Variants in NKAIN2 observed in about 807,000 individuals in gnomAD.
The protein encoded by NKAIN2 is sodium/potassium transporting ATPase interacting 2, also known as sodium/potassium-transporting ATPase subunit beta-1-interacting protein 2.
A neutral mutation model predicts 32.6 loss-of-function variants in NKAIN2; 14 were observed. The observed-to-expected ratio is 0.43, with a 90% CI of 0.28 to 0.67. The LOEUF (loss-of-function observed/expected upper bound fraction) is 0.67. Ranked by LOEUF, NKAIN2 falls within the 30% of genes least tolerant of loss-of-function variation. The pLI, the probability that NKAIN2 is intolerant of heterozygous loss-of-function variation, is 0.17. For missense variants in NKAIN2, 198 were observed against 258.3 expected (o/e 0.77, Z 1.60); for synonymous variants, 80 against 87.2 (o/e 0.92, Z 0.46).
chr6:123,948,929 G>T (rs537600728), intron 1 of NKAIN2, among the ~76,000 whole-genome samples: 2 of 151,806 alleles, frequency 1.3e-5, no homozygotes, highest in African/African-American at 4.8e-5. Flanking sequence ...ATCTTGAGTT[G>T]GTTTTCGGAT....
At chr6:123,967,566 T>C (rs936124604) in intron 1 of NKAIN2, among the ~76,000 whole-genome samples, 5 of 152,274 alleles carry the variant, frequency 3.3e-5, no homozygotes, top group African/African-American at 1.2e-4. Context: ...CCAGAACTGG[T>C]GCTAGAAGAA....
intron 1 of NKAIN2, among the ~76,000 whole-genome samples, chr6:124,105,210 C>G (rs372907149): frequency 6.6e-6 from 1 of 152,152 alleles, no homozygotes; most frequent in Non-Finnish European, 1.5e-5. Flanking sequence ...TATAAAACTT[C>G]TAAATCACAG....
At chr6:124,705,712 A>G (rs923690851) in intron 4 of NKAIN2, among the ~76,000 whole-genome samples, 1 of 152,140 alleles carries the variant, frequency 6.6e-6, no homozygotes, top group Admixed American at 6.6e-5. Context: ...GTTTTTTTGT[A>G]GAGTCACAGT....
intron 1 of NKAIN2, among the ~76,000 whole-genome samples, chr6:124,228,378 C>T (rs552857179): frequency 5.9e-5 from 9 of 152,238 alleles, no homozygotes; most frequent in Non-Finnish European, 1.2e-4. Context: ...AGAACCTGGC[C>T]AGGCTGGCAC....
chr6:124,630,603 C>T (rs1783526107), intron 3 of NKAIN2, among the ~76,000 whole-genome samples: 1 of 152,036 alleles, frequency 6.6e-6, no homozygotes, highest in African/African-American at 2.4e-5. Context: ...TACATAATTA[C>T]CTGAATTATT....
chr6:124,180,794 G>A (rs1354651669), intron 1 of NKAIN2, among the ~76,000 whole-genome samples: 1 of 152,174 alleles, frequency 6.6e-6, no homozygotes, highest in East Asian at 1.9e-4. Context: ...GCTGGGTACA[G>A]CCTCCCTCCT....
At chr6:123,825,378 T>G (rs1041496248) in intron 1 of NKAIN2, among the ~76,000 whole-genome samples, 19 of 152,160 alleles carry the variant, frequency 1.2e-4, no homozygotes, top group African/African-American at 4.6e-4. Flanking sequence ...GTTTCTAGCT[T>G]AAGTTGTTGA....
At chr6:123,883,265 C>T (rs1773539055) in intron 1 of NKAIN2, among the ~76,000 whole-genome samples, 1 of 152,110 alleles carries the variant, frequency 6.6e-6, no homozygotes, top group Non-Finnish European at 1.5e-5. Flanking sequence ...CTGCCTCAGC[C>T]TCCCAAGTAG....
At chr6:124,197,280 T>TC (rs1790360501) in intron 1 of NKAIN2, among the ~76,000 whole-genome samples, 1 of 152,044 alleles carries the variant, frequency 6.6e-6, no homozygotes, top group Non-Finnish European at 1.5e-5. Flanking sequence ...TCTTTTTTTT[T>TC]CTCTTCCTTC....
At chr6:124,035,353 A>T (rs1212885802) in intron 1 of NKAIN2, among the ~76,000 whole-genome samples, 1 of 152,104 alleles carries the variant, frequency 6.6e-6, no homozygotes, top group Non-Finnish European at 1.5e-5. Flanking sequence ...ATCCAGAAGA[A>T]TACCTTTTTC....
At chr6:123,950,201 T>C (rs565231814) in intron 1 of NKAIN2, among the ~76,000 whole-genome samples, 1 of 151,990 alleles carries the variant, frequency 6.6e-6, no homozygotes, top group Non-Finnish European at 1.5e-5. Flanking sequence ...TTGTATTTTG[T>C]TGAGAATTTT....
At chr6:124,191,136 T>C (rs1290894751) in intron 1 of NKAIN2, among the ~76,000 whole-genome samples, 3 of 152,222 alleles carry the variant, frequency 2.0e-5, no homozygotes, top group African/African-American at 4.8e-5. Context: ...AAAATAGTTA[T>C]ACTGCCCTGA....
intron 2 of NKAIN2, among the ~76,000 whole-genome samples, chr6:124,346,333 G>T (rs916626161): frequency 1.9e-4 from 29 of 152,304 alleles, no homozygotes; most frequent in Admixed American, 1.8e-3. Flanking sequence ...GGAGAGTTCT[G>T]TAGATGTCTA....
intron 1 of NKAIN2, among the ~76,000 whole-genome samples, chr6:123,950,122 C>T (rs1777256611): frequency 1.3e-5 from 2 of 152,150 alleles, no homozygotes; most frequent in Non-Finnish European, 2.9e-5. Context: ...ACCATCCTTG[C>T]ATCACTGGGA....
At chr6:124,801,204 A>G (rs1401498409) in intron 5 of NKAIN2, among the ~76,000 whole-genome samples, 1 of 152,160 alleles carries the variant, frequency 6.6e-6, no homozygotes, top group African/African-American at 2.4e-5. Flanking sequence ...AGTAAAATCA[A>G]TGCATAATAG....
At chr6:124,389,028 AAAT>A (rs1414579069) in intron 3 of NKAIN2, among the ~76,000 whole-genome samples, 1 of 152,146 alleles carries the variant, frequency 6.6e-6, no homozygotes, top group African/African-American at 2.4e-5. Context: ...GTTAATAAAT[AAAT>A]AATATGTATT....
At chr6:124,450,331 C>G (rs1478263326) in intron 3 of NKAIN2, among the ~76,000 whole-genome samples, 6 of 151,976 alleles carry the variant, frequency 3.9e-5, no homozygotes, top group Admixed American at 2.0e-4. Context: ...GTACATGTAT[C>G]TATATTTACA....
At position 123,861,260 on chromosome 6, in the gene NKAIN2, A is replaced by G. The variant is rs114210308; in HGVS notation, c.54+57006A>G. Reference sequence around the variant, plus strand: ...AAATGTAAATTGAAGCCAGAAACAAATAAGAGGAAGTCTATTTCATTTTAG... The same window carrying G: ...AAATGTAAATTGAAGCCAGAAACAAGTAAGAGGAAGTCTATTTCATTTTAG... On this transcript the variant is annotated intron_variant, in intron 1 of 6. Transcript: ENST00000368417. Among the ~76,000 whole-genome samples the G allele has an allele frequency of 5.0e-3, 768 of 152,366 alleles. 12 individuals are homozygous for G. The highest frequency in any genetic ancestry group is 0.016 in the African/African-American group (671 of 41,590).
In NKAIN2 at chr6:123,911,787, A is replaced by ACATGTATATATATATG. The variant is rs200656768; in HGVS notation, c.54+107533_54+107534insCATGTATATATATATG. 2.5e-3 allele frequency among the ~76,000 whole-genome samples: 179 copies of ACATGTATATATATATG among 71,260 alleles called. 4 individuals carry two copies. Among genetic ancestry groups the ACATGTATATATATATG allele is most frequent in the Middle Eastern group, 6.8e-3 (1 of 146 alleles). 46.7% of individuals were successfully genotyped at this position (71,260 alleles called of 152,430 possible). A position where few individuals can be genotyped will look rare whatever the true frequency, so the allele number is the denominator to read the frequency against. On this transcript the variant is annotated intron_variant, in intron 1 of 6. Transcript: ENST00000368417. ...GTCGTATATATACATACATACATATATATATATATATATGTATATATATAT... is the reference window on the plus strand; with the variant it reads ...GTCGTATATATACATACATACATATACATGTATATATATATGTATATATATATATGTATATATATAT...
Sources: allele counts gnomAD v4.1 joint callset (sites outside exome capture counted in the v4.1 genomes callset), GRCh38; gene constraint gnomAD v4.1.1; transcripts MANE v1.5; gene names NCBI Gene and HGNC (gene_info 2026-07-23, HGNC 2026-07-21).